Variants in ANKS1B observed in about 807,000 individuals in gnomAD.
ANKS1B encodes the protein ankyrin repeat and sterile alpha motif domain containing 1B.
Under a neutral mutation model 148.3 loss-of-function variants are expected in ANKS1B, and 36 were observed. That is an observed-to-expected ratio of 0.24 (90% confidence interval 0.19 to 0.32). ANKS1B has a LOEUF of 0.32. Ranked by LOEUF, ANKS1B falls within the 10% of genes least tolerant of loss-of-function variation. The pLI is 1.00. For synonymous variants in ANKS1B, 542 were observed against 560.8 expected (o/e 0.97, Z 0.47); for missense variants, 1,157 against 1,542.6 (o/e 0.75, Z 4.19).
intron 12 of ANKS1B, among the ~76,000 whole-genome samples, chr12:99,391,807 G>A (rs1316692980): frequency 1.3e-5 from 2 of 152,140 alleles, no homozygotes; most frequent in African/African-American, 4.8e-5. Flanking sequence ...TGTCACAAAG[G>A]CACTGGGTGA....
At position 98,942,930 on chromosome 12, in the gene ANKS1B, G is replaced by A. The variant is rs570545100; in HGVS notation, c.2778+110227C>T. On this transcript the variant is annotated intron_variant, in intron 17 of 26. Transcript: ENST00000683438. ...CTCTTTAAATACGAAGCTCAGTGTC[G>A]GAAACAACACCAAATACAAGAATAG... 4.6e-5 allele frequency among the ~76,000 whole-genome samples: 7 copies of A among 152,110 alleles called. No homozygotes were observed. In the East Asian group the frequency reaches 5.8e-4, roughly 13 times the overall value.
At chr12:99,088,746 A>G (rs1299623289) in intron 15 of ANKS1B, among the ~76,000 whole-genome samples, 1 of 152,082 alleles carries the variant, frequency 6.6e-6, no homozygotes, top group African/African-American at 2.4e-5. Context: ...ATCAAAGACA[A>G]TAAACATTCC....
At chr12:99,207,188 CA>C (rs1275604616) in intron 14 of ANKS1B, among the ~76,000 whole-genome samples, 2 of 152,134 alleles carry the variant, frequency 1.3e-5, no homozygotes, top group Non-Finnish European at 2.9e-5. Context: ...ACCAAAGTGA[CA>C]TATTTTGGGG....
rs1285245803 is a variant in ANKS1B, at chr12:99,154,604, T to C, written c.2420-209A>G. 8.2e-6 allele frequency: 12 copies of C among 1,467,942 alleles called. No individual in the cohort carries two copies. In the East Asian group the frequency reaches 2.0e-4, roughly 24 times the overall value. 90.9% of individuals were successfully genotyped at this position (1,467,942 alleles called of 1,614,324 possible). A position where few individuals can be genotyped will look rare whatever the true frequency, so the allele number is the denominator to read the frequency against. On this transcript the variant is annotated intron_variant, in intron 14 of 26. Transcript: ENST00000683438. ...AGTTTGCCAGGCAGGCTGTGGAGTATGACTTGATCCTAGCTCCACATTTCT... is the reference window on the plus strand; with the variant it reads ...AGTTTGCCAGGCAGGCTGTGGAGTACGACTTGATCCTAGCTCCACATTTCT...
At chr12:99,022,963 C>T (rs1268677382) in intron 17 of ANKS1B, among the ~76,000 whole-genome samples, 1 of 152,100 alleles carries the variant, frequency 6.6e-6, no homozygotes, top group Non-Finnish European at 1.5e-5. Flanking sequence ...TGTTCATAGG[C>T]TTGTATTAAC....
intron 9 of ANKS1B, chr12:99,648,244 T>A: frequency 1.2e-6 from 2 of 1,614,142 alleles, no homozygotes; most frequent in Non-Finnish European, 1.7e-6. Context: ...GTTTAACACC[T>A]CCATGGGGAA....
At chr12:99,732,473 A>G (rs1002393327) in intron 8 of ANKS1B, among the ~76,000 whole-genome samples, 2 of 152,200 alleles carry the variant, frequency 1.3e-5, no homozygotes, top group Non-Finnish European at 2.9e-5. Flanking sequence ...AGGAATGAAA[A>G]TATCAGTGAA....
chr12:99,664,569 A>C (rs368790412), intron 8 of ANKS1B, among the ~76,000 whole-genome samples: 33 of 152,284 alleles, frequency 2.2e-4, no homozygotes, highest in African/African-American at 7.7e-4. Flanking sequence ...GCAAAGGAGA[A>C]GAAAGGGGAG....
intron 9 of ANKS1B, among the ~76,000 whole-genome samples, chr12:99,607,633 C>T (rs572822382): frequency 1.3e-5 from 2 of 152,172 alleles, no homozygotes; most frequent in South Asian, 2.1e-4. Context: ...CTGGATTTGG[C>T]GGGACACGTT....
intron 24 of ANKS1B, among the ~76,000 whole-genome samples, chr12:98,775,360 T>C (rs912421299): frequency 3.3e-5 from 5 of 152,174 alleles, no homozygotes; most frequent in African/African-American, 1.2e-4. Context: ...GGGGGAAAGT[T>C]GCAAAGGAGG....
intron 10 of ANKS1B, among the ~76,000 whole-genome samples, chr12:99,477,072 G>A (rs1362958867): frequency 6.6e-6 from 1 of 152,176 alleles, no homozygotes; most frequent in Non-Finnish European, 1.5e-5. Flanking sequence ...GCAGGAGAGA[G>A]CTAATAAAAC....
At chr12:99,595,838 C>A (rs1469724501) in intron 9 of ANKS1B, among the ~76,000 whole-genome samples, 1 of 151,856 alleles carries the variant, frequency 6.6e-6, no homozygotes, top group Non-Finnish European at 1.5e-5. Context: ...TCAATTCAAC[C>A]ACTACATTAT....
chr12:99,447,411 G>A (rs563934854), intron 10 of ANKS1B, among the ~76,000 whole-genome samples: 7 of 151,926 alleles, frequency 4.6e-5, no homozygotes, highest in Non-Finnish European at 8.8e-5. Flanking sequence ...AGGAGTTTAA[G>A]GCCAGTCTGG....
chr12:99,165,102 T>C (rs1199984630), intron 14 of ANKS1B, among the ~76,000 whole-genome samples: 1 of 152,016 alleles, frequency 6.6e-6, no homozygotes, highest in African/African-American at 2.4e-5. Context: ...GATAAATGTA[T>C]AGCACTAAAT....
In ANKS1B at chr12:99,984,480, C is replaced by T. The variant is rs892498761; in HGVS notation, c.-243G>A. 7.4e-6 allele frequency: 3 copies of T among 406,024 alleles called. No homozygotes were observed. Among genetic ancestry groups the T allele is most frequent in the Non-Finnish European group, 1.3e-5 (3 of 225,508 alleles). 25.2% of individuals were successfully genotyped at this position (406,024 alleles called of 1,614,324 possible). A position where few individuals can be genotyped will look rare whatever the true frequency, so the allele number is the denominator to read the frequency against. On this transcript the variant is annotated 5_prime_UTR_variant, in exon 1 of 27. Coordinates refer to ENST00000683438, the MANE Select transcript of ANKS1B (RefSeq NM_001352186.2). ...GAGGGGCTGGCCGAGCTGGGAGCCGCGACGCGCCCCCACAGCCACTCCCCT... is the reference window on the plus strand; with the variant it reads ...GAGGGGCTGGCCGAGCTGGGAGCCGTGACGCGCCCCCACAGCCACTCCCCT...
chr12:99,230,396 C>T (rs1476959478), intron 14 of ANKS1B, among the ~76,000 whole-genome samples: 2 of 152,120 alleles, frequency 1.3e-5, no homozygotes, highest in African/African-American at 4.8e-5. Flanking sequence ...TATTCTACTA[C>T]TAATGGGCGA....
chr12:99,068,777 C>T (rs571785678), intron 16 of ANKS1B, among the ~76,000 whole-genome samples: 1 of 29,520 alleles, frequency 3.4e-5, no homozygotes, highest in Admixed American at 5.6e-4. Context: ...CTTTATTGTC[C>T]CTAGTCCTAG....
chr12:99,402,118 G>A (rs1455913356), intron 11 of ANKS1B, among the ~76,000 whole-genome samples: 1 of 146,002 alleles, frequency 6.8e-6, no homozygotes, highest in Non-Finnish European at 1.5e-5. Flanking sequence ...CAATAAAACC[G>A]TAACTATAGG....
chr12:99,441,434 C>T (rs1476162574), intron 11 of ANKS1B, among the ~76,000 whole-genome samples: 1 of 151,878 alleles, frequency 6.6e-6, no homozygotes, highest in African/African-American at 2.4e-5. Flanking sequence ...GAATATACTA[C>T]TCCCTTTCTA....
Sources: gnomAD v4.1 joint callset for allele counts (sites outside exome capture counted in the v4.1 genomes callset) on GRCh38, gnomAD v4.1.1 for gene constraint, MANE v1.5 for transcripts, NCBI Gene and HGNC (gene_info 2026-07-23, HGNC 2026-07-21) for gene names.